Variants in IFT43 observed in about 807,000 individuals in gnomAD.
The protein encoded by IFT43 is intraflagellar transport protein 43 homolog.
In IFT43, 33 loss-of-function variants were observed where a neutral mutation model predicts 32.3. The ratio of observed to expected loss-of-function variants is 1.02; its 90% CI spans 0.77 to 1.37. The LOEUF (loss-of-function observed/expected upper bound fraction) is 1.37, where lower values mean the gene tolerates loss of function less well. Among genes scored for constraint, IFT43 ranks in the 40% most tolerant of loss-of-function variants. IFT43 has a pLI of 0.00. For missense variants in IFT43, 274 were observed against 265.9 expected (o/e 1.03, Z -0.21); for synonymous variants, 93 against 98.2 (o/e 0.95, Z 0.31).
rs893258741 is a variant in IFT43, at chr14:76,059,348, C to G, written c.270C>G (p.Ser90Arg). The G allele has an allele frequency of 5.6e-6, 9 of 1,613,934 alleles. No homozygotes were observed. The highest frequency in any genetic ancestry group is 3.3e-4 in the Middle Eastern group (2 of 6,082). ...EIEDFRLRPQ[S>R]LNGSDYGGDI... Reference sequence around the variant, plus strand: ...GCAGTTTCCGCCTCAGACCACAGAGCCTGAATGGATCAGATTATGGAGGAG... The same window carrying G: ...GCAGTTTCCGCCTCAGACCACAGAGGCTGAATGGATCAGATTATGGAGGAG... Residue 90 changes from serine (S) to arginine (R), a missense_variant, in exon 5 of 9, where the codon AGC (serine) becomes AGG (arginine). Transcript: ENST00000314067.
chr14:76,075,432 G>T (rs1449419620), intron 5 of IFT43, among the ~76,000 whole-genome samples: 1 of 152,188 alleles, frequency 6.6e-6, no homozygotes. Flanking sequence ...GTTCCTTTGG[G>T]TGTTTGAAGC....
At chr14:76,071,867 G>A (rs1388040753) in intron 5 of IFT43, among the ~76,000 whole-genome samples, 1 of 152,158 alleles carries the variant, frequency 6.6e-6, no homozygotes, top group African/African-American at 2.4e-5. Flanking sequence ...CCACAGCTGG[G>A]AAATGGTGGT....
intron 3 of IFT43, among the ~76,000 whole-genome samples, chr14:76,047,950 G>A (rs2036841094): frequency 6.6e-6 from 1 of 152,062 alleles, no homozygotes; most frequent in Non-Finnish European, 1.5e-5. Context: ...GACCTGAGGA[G>A]CTATGGAGTC....
At chr14:76,059,114 G>A in intron 4 of IFT43, 1 of 1,470,356 alleles carries the variant, frequency 6.8e-7, no homozygotes, top group Non-Finnish European at 9.0e-7. Flanking sequence ...TAGCCTCTGT[G>A]ATGCTGTCCT....
chr14:76,020,132 G>A (rs182182582), intron 2 of IFT43, among the ~76,000 whole-genome samples: 10 of 152,010 alleles, frequency 6.6e-5, no homozygotes, highest in South Asian at 2.1e-4. Context: ...GCGCCACCAC[G>A]CCCAGCTAAT....
chr14:75,985,876 T>A (rs1410760516), intron 1 of IFT43, 36 bp downstream of exon 1: 1 of 1,610,824 alleles, frequency 6.2e-7, no homozygotes, highest in South Asian at 1.1e-5. Context: ...GGGCCAGGAT[T>A]TGGCGGGTGG....
At chr14:76,016,648 T>C (rs979174457) in intron 2 of IFT43, among the ~76,000 whole-genome samples, 1 of 152,198 alleles carries the variant, frequency 6.6e-6, no homozygotes, top group Non-Finnish European at 1.5e-5. Context: ...CTTTGGGTAG[T>C]ACAGTCATTC....
intron 3 of IFT43, among the ~76,000 whole-genome samples, chr14:76,039,478 A>G (rs2036666002): frequency 6.6e-6 from 1 of 152,126 alleles, no homozygotes; most frequent in Non-Finnish European, 1.5e-5. Flanking sequence ...TGTGGAGTGA[A>G]GTGTCTTTGA....
Position 76,063,252 on chromosome 14 carries a change from C to T in IFT43, c.295+3879C>T, listed in dbSNP as rs535424033. ...ATACCACCCTGAACGCGCCAGATCT[C>T]GTCTGAAATATCATAATGCGTAACC... On this transcript the variant is annotated intron_variant, in intron 5 of 8. Coordinates refer to ENST00000314067, the MANE Select transcript of IFT43 (RefSeq NM_001102564.3). Among the ~76,000 whole-genome samples the T allele has an allele frequency of 3.3e-5, 5 of 152,290 alleles. No individual in the cohort carries two copies. In the South Asian group the frequency reaches 8.3e-4, roughly 25 times the overall value.
At chr14:76,079,279 G>A (rs2037466085) in intron 5 of IFT43, among the ~76,000 whole-genome samples, 1 of 152,224 alleles carries the variant, frequency 6.6e-6, no homozygotes, top group Non-Finnish European at 1.5e-5. Context: ...CACTGGGCAG[G>A]AGAAAATGAA....
chr14:76,005,557 A>G (rs2035965911), intron 2 of IFT43, among the ~76,000 whole-genome samples: 1 of 152,266 alleles, frequency 6.6e-6, no homozygotes. Context: ...CAATTCAGGT[A>G]TTGACTGAGA....
At chr14:76,004,059 A>C (rs1249876828) in intron 2 of IFT43, among the ~76,000 whole-genome samples, 1 of 152,162 alleles carries the variant, frequency 6.6e-6, no homozygotes, top group Non-Finnish European at 1.5e-5. Context: ...TACAGGCGTG[A>C]ACCACCACCC....
chr14:76,059,008 TATATC>T (rs2037079281), intron 4 of IFT43: 2 of 1,426,066 alleles, frequency 1.4e-6, no homozygotes, highest in African/African-American at 1.4e-5. Flanking sequence ...TCATAAGACT[TATATC>T]AGAAAAGAAA....
At chr14:76,054,860 G>A (rs542050123) in intron 3 of IFT43, among the ~76,000 whole-genome samples, 1 of 152,320 alleles carries the variant, frequency 6.6e-6, no homozygotes, top group South Asian at 2.1e-4. Flanking sequence ...GGAATGAAGT[G>A]TCTCTGAAGA....
intron 3 of IFT43, among the ~76,000 whole-genome samples, chr14:76,029,649 G>A (rs2036469109): frequency 6.6e-6 from 1 of 151,998 alleles, no homozygotes. Context: ...TATAGTGATA[G>A]GAAGGGGTCC....
chr14:76,010,386 C>T (rs1397864719), intron 2 of IFT43, among the ~76,000 whole-genome samples: 1 of 152,150 alleles, frequency 6.6e-6, no homozygotes, highest in Non-Finnish European at 1.5e-5. Flanking sequence ...TCCATACCAA[C>T]CCTGCCTTTT....
intron 2 of IFT43, among the ~76,000 whole-genome samples, chr14:76,008,186 G>A (rs1379126233): frequency 1.3e-5 from 2 of 152,040 alleles, no homozygotes; most frequent in Admixed American, 6.6e-5. Context: ...TCTTGATTTG[G>A]GCAGCTTTCA....
intron 2 of IFT43, among the ~76,000 whole-genome samples, chr14:76,012,723 G>C (rs1263892978): frequency 6.6e-6 from 1 of 152,148 alleles, no homozygotes; most frequent in East Asian, 1.9e-4. Flanking sequence ...ACCGTCACTT[G>C]TTCCTATTTC....
intron 5 of IFT43, among the ~76,000 whole-genome samples, chr14:76,062,786 G>A (rs1159375230): frequency 3.3e-5 from 5 of 151,458 alleles, no homozygotes; most frequent in South Asian, 2.1e-4. Flanking sequence ...GCCTGGTGGC[G>A]GGCACCTGTA....
Sources: gnomAD v4.1 joint callset for allele counts (sites outside exome capture counted in the v4.1 genomes callset) on GRCh38, gnomAD v4.1.1 for gene constraint, MANE v1.5 for transcripts, NCBI Gene and HGNC (gene_info 2026-07-23, HGNC 2026-07-21) for gene names.